Variants in FAT3 observed in about 807,000 individuals in gnomAD.
The protein encoded by FAT3 is protocadherin Fat 3.
Under a neutral mutation model 310.2 loss-of-function variants are expected in FAT3, and 95 were observed. The observed-to-expected ratio is 0.31, with a 90% CI of 0.26 to 0.36. The LOEUF (loss-of-function observed/expected upper bound fraction) is 0.36, where lower values mean the gene tolerates loss of function less well. Among genes scored for constraint, FAT3 ranks in the 10% least tolerant of loss-of-function variants. The probability of loss-of-function intolerance (pLI) is 1.00; values close to 1 mark genes in which losing one functional copy is unlikely to be tolerated. For missense variants in FAT3, 5,408 were observed against 5,715.6 expected (o/e 0.95, Z 1.74); for synonymous variants, 2,314 against 2,192.9 (o/e 1.06, Z -1.54).
intron 2 of FAT3, among the ~76,000 whole-genome samples, chr11:92,504,706 G>A (rs921626176): frequency 6.6e-6 from 1 of 152,074 alleles, no homozygotes; most frequent in Non-Finnish European, 1.5e-5. Flanking sequence ...CTGGCAGGAC[G>A]TTCTTGTGAC....
At position 92,645,612 on chromosome 11, in the gene FAT3, T is replaced by G. The variant is rs371103028; in HGVS notation, c.3608-51772T>G. On this transcript the variant is annotated intron_variant, in intron 3 of 27. Coordinates refer to ENST00000525166, the MANE Select transcript of FAT3 (RefSeq NM_001367949.2). ...TTAGTAACTTAGTCTACTAAATGCT[T>G]GGATTCAGTTAAGTTTCTTTGTTTG... is the stretch of plus-strand genomic sequence containing the variant. 3.3e-5 allele frequency among the ~76,000 whole-genome samples: 5 copies of G among 152,344 alleles called. No homozygotes were observed. The South Asian group carries it at 6.2e-4, about 19-fold the overall frequency.
intron 3 of FAT3, 49 bp from the exon 4 acceptor site, chr11:92,697,335 G>C (rs2135906332): frequency 6.4e-7 from 1 of 1,563,662 alleles, no homozygotes; most frequent in Non-Finnish European, 8.8e-7. Flanking sequence ...CACTCAGTAA[G>C]CTGTTTGCCC....
intron 3 of FAT3, among the ~76,000 whole-genome samples, chr11:92,607,134 A>G (rs536122929): frequency 5.3e-5 from 8 of 152,208 alleles, no homozygotes; most frequent in Non-Finnish European, 1.0e-4. Context: ...TCCAGTTGGA[A>G]AACCAACTCA....
intron 4 of FAT3, among the ~76,000 whole-genome samples, chr11:92,747,168 C>T (rs768601233): frequency 7.2e-5 from 11 of 151,856 alleles, no homozygotes; most frequent in Non-Finnish European, 1.6e-4. Flanking sequence ...GAGCCCTGCC[C>T]CTGCAGCAAA....
intron 14 of FAT3, among the ~76,000 whole-genome samples, chr11:92,833,714 G>T (rs1450579676): frequency 6.6e-6 from 1 of 152,144 alleles, no homozygotes; most frequent in Admixed American, 6.5e-5. Flanking sequence ...GTTTATTAAG[G>T]TCATTATCTC....
At chr11:92,331,057 T>C (rs187383892) in intron 1 of FAT3, among the ~76,000 whole-genome samples, 3 of 151,992 alleles carry the variant, frequency 2.0e-5, no homozygotes, top group African/African-American at 7.2e-5. Context: ...TTTAATGCTA[T>C]ACACAGTTGT....
intron 3 of FAT3, among the ~76,000 whole-genome samples, chr11:92,606,642 AT>A (rs1406420453): frequency 1.3e-5 from 2 of 152,324 alleles, no homozygotes; most frequent in Non-Finnish European, 2.9e-5. Flanking sequence ...GTGTGGTTTC[AT>A]TTAGTCCTCA....
At chr11:92,617,365 G>A (rs1303822689) in intron 3 of FAT3, among the ~76,000 whole-genome samples, 2 of 152,110 alleles carry the variant, frequency 1.3e-5, no homozygotes, top group African/African-American at 4.8e-5. Context: ...GTTTATTCTA[G>A]TTAGCCATTC....
rs1315635483 is a variant in FAT3 at position 92,882,730 on chromosome 11, C to G, written c.12282-8C>G. 16 of 1,583,346 alleles carry G rather than the reference C, an allele frequency of 1.0e-5. No individual in the cohort carries two copies. Among genetic ancestry groups the G allele is most frequent in the Non-Finnish European group, 1.4e-5 (16 of 1,162,756 alleles). On this transcript the variant is annotated splice_region_variant and splice_polypyrimidine_tract_variant and intron_variant, in intron 23 of 27. Coordinates refer to ENST00000525166, the MANE Select transcript of FAT3 (RefSeq NM_001367949.2). ...TGACGGTGGGGAGGGGCTTCTGTGT[C>G]GCCGCAGGTGTGAGGAGGACATCAA...
At chr11:92,263,993 A>G (rs535780862) in intron 1 of FAT3, among the ~76,000 whole-genome samples, 1 of 152,108 alleles carries the variant, frequency 6.6e-6, no homozygotes, top group Non-Finnish European at 1.5e-5. Flanking sequence ...TGCCCATTTT[A>G]CAGATTGAGA....
Position 92,352,869 on chromosome 11 carries a change from T to A in FAT3, c.757T>A (p.Tyr253Asn). The change falls in exon 2 of 28, where the codon TAT becomes AAT. Residue 253 changes from tyrosine to asparagine, a missense_variant. Transcript: ENST00000525166. ...TGGAGTGAGCAGTACTGCAAAGCTTTATGTTCACATTGAGCGCATAAATGA... is the reference window on the plus strand; with the variant it reads ...TGGAGTGAGCAGTACTGCAAAGCTTAATGTTCACATTGAGCGCATAAATGA... ...NNGVSSTAKL[Y>N]VHIERINEHA... is the part of the protein sequence containing the mutation. The A allele has an allele frequency of 1.7e-5, 27 of 1,613,942 alleles. No homozygotes were observed. The highest frequency in any genetic ancestry group is 2.3e-5 in the Non-Finnish European group (27 of 1,179,890).
At chr11:92,780,637 G>C (rs1251337746) in intron 7 of FAT3, among the ~76,000 whole-genome samples, 1 of 152,122 alleles carries the variant, frequency 6.6e-6, no homozygotes, top group African/African-American at 2.4e-5. Flanking sequence ...TCTCTTAAAA[G>C]CAAGATGAAA....
At chr11:92,495,890 G>C (rs1178215499) in intron 2 of FAT3, among the ~76,000 whole-genome samples, 1 of 152,074 alleles carries the variant, frequency 6.6e-6, no homozygotes, top group African/African-American at 2.4e-5. Flanking sequence ...TTAATTCTCA[G>C]CTATTTGAAC....
At chr11:92,336,175 A>G in intron 1 of FAT3, 1 of 562,806 alleles carries the variant, frequency 1.8e-6, no homozygotes, top group Non-Finnish European at 3.6e-6. Flanking sequence ...TCAGGCAGAT[A>G]GGCCACAAAG....
At chr11:92,818,477 A>G (rs957944107) in intron 13 of FAT3, among the ~76,000 whole-genome samples, 1 of 150,236 alleles carries the variant, frequency 6.7e-6, no homozygotes, top group Non-Finnish European at 1.5e-5. Flanking sequence ...TCTCCCTTTT[A>G]GGATTTTCTA....
chr11:92,311,776 G>T (rs1490888302), intron 1 of FAT3, among the ~76,000 whole-genome samples: 1 of 152,144 alleles, frequency 6.6e-6, no homozygotes, highest in Admixed American at 6.5e-5. Flanking sequence ...TAAAGCTGGT[G>T]TCTCTCCCAC....
chr11:92,630,060 C>G (rs1275916939), intron 3 of FAT3, among the ~76,000 whole-genome samples: 21 of 152,156 alleles, frequency 1.4e-4, no homozygotes, highest in Admixed American at 1.4e-3. Context: ...ATCTTAATCA[C>G]TCATCAGTCC....
intron 2 of FAT3, among the ~76,000 whole-genome samples, chr11:92,513,458 A>G (rs975813450): frequency 6.6e-6 from 1 of 152,190 alleles, no homozygotes; most frequent in Non-Finnish European, 1.5e-5. Flanking sequence ...TATGGAGCCC[A>G]TGAAAGAATT....
At chr11:92,804,537 A>G (rs1004537651) in intron 10 of FAT3, among the ~76,000 whole-genome samples, 6 of 151,434 alleles carry the variant, frequency 4.0e-5, no homozygotes, top group African/African-American at 1.5e-4. Flanking sequence ...CCCCAGCTTC[A>G]CTCTGATACA....
Sources: gnomAD v4.1 joint callset for allele counts (sites outside exome capture counted in the v4.1 genomes callset) on GRCh38, gnomAD v4.1.1 for gene constraint, MANE v1.5 for transcripts, NCBI Gene and HGNC (gene_info 2026-07-23, HGNC 2026-07-21) for gene names.